The following PAG1 variants were observed in gnomAD, a reference collection of about 807,000 sequenced individuals.
The protein encoded by PAG1 is phosphoprotein membrane anchor with glycosphingolipid microdomains 1.
In PAG1, 23 loss-of-function variants were observed where a neutral mutation model predicts 31.7. The ratio of observed to expected loss-of-function variants is 0.73; its 90% CI spans 0.52 to 1.03. PAG1 has a LOEUF of 1.03. Ranked by LOEUF, PAG1 falls within the 50% of genes least tolerant of loss-of-function variation. The pLI is 0.00. For synonymous variants in PAG1, 214 were observed against 210.3 expected, an observed-to-expected ratio of 1.02 and a Z score of -0.15; for missense variants, 473 against 540.7, an observed-to-expected ratio of 0.87 and a Z score of 1.24.
rs1807597937 is a variant in PAG1 at position 80,993,300 on chromosome 8, G to A, written c.-73C>T. On this transcript the variant is annotated 5_prime_UTR_variant, in exon 4 of 9. Coordinates refer to ENST00000220597, the MANE Select transcript of PAG1 (RefSeq NM_018440.4). The stretch of plus-strand genomic sequence containing the variant: ...AAAGGTGGTGACATGGAGGCAGAGA[G>A]CTGTGTCCTGCAAAGAGACCAGTGC... 3 of 1,454,702 alleles carry A rather than the reference G, an allele frequency of 2.1e-6. No homozygotes were observed. The highest frequency in any genetic ancestry group is 1.9e-5 in the Admixed American group (1 of 53,928). The allele number at this position is 1,454,702 out of a possible 1,614,324, so 90.1% of individuals were successfully genotyped here. A position where few individuals can be genotyped will look rare whatever the true frequency, so the allele number is the denominator to read the frequency against.
At chr8:81,080,985 A>G (rs1809256622) in intron 1 of PAG1, among the ~76,000 whole-genome samples, 1 of 152,186 alleles carries the variant, frequency 6.6e-6, no homozygotes, top group Non-Finnish European at 1.5e-5. Flanking sequence ...GCCAAAGAGT[A>G]TAGTCAGTAA....
At chr8:80,984,599 T>C (rs1255414830) in intron 7 of PAG1, among the ~76,000 whole-genome samples, 177 bp downstream of exon 7, 2 of 152,212 alleles carry the variant, frequency 1.3e-5, no homozygotes, top group East Asian at 1.9e-4. Context: ...ATACAAGTTT[T>C]TGGTATTTTA....
At chr8:81,019,455 C>T (rs1563631595) in intron 3 of PAG1, among the ~76,000 whole-genome samples, 1 of 152,216 alleles carries the variant, frequency 6.6e-6, no homozygotes, top group South Asian at 2.1e-4. Flanking sequence ...TTCTGTGCAG[C>T]CCCGGGACAT....
intron 1 of PAG1, among the ~76,000 whole-genome samples, chr8:81,087,786 A>C (rs73692333): frequency 0.02 from 3,053 of 152,280 alleles, 117 homozygotes; most frequent in African/African-American, 0.069. Flanking sequence ...CTGCAAGGCT[A>C]CACTGCAGTC....
At chr8:80,980,807 G>C (rs1428791026) in intron 7 of PAG1, among the ~76,000 whole-genome samples, 1 of 152,152 alleles carries the variant, frequency 6.6e-6, no homozygotes. Context: ...GATCATCCAT[G>C]GAGGATTAAT....
chr8:81,050,373 A>G (rs1586188415), intron 2 of PAG1, among the ~76,000 whole-genome samples: 1 of 152,180 alleles, frequency 6.6e-6, no homozygotes, highest in Non-Finnish European at 1.5e-5. Flanking sequence ...TTAAACATTC[A>G]CAGGAAGAGT....
In PAG1 at chr8:80,972,000, A is replaced by G. The variant is rs918618300; in HGVS notation, c.*4544T>C. On this transcript the variant is annotated 3_prime_UTR_variant, in exon 9 of 9. Coordinates refer to ENST00000220597, the MANE Select transcript of PAG1 (RefSeq NM_018440.4). ...GTTCAACTGGCCTAAAGCCACTGTC[A>G]GGAAAAATGTATTTAGGAAAATATA... 5 of 152,280 alleles carry G rather than the reference A, an allele frequency of 3.3e-5. No individual in the cohort carries two copies. The highest frequency in any genetic ancestry group is 7.2e-5 in the African/African-American group (3 of 41,478). 9.4% of individuals were successfully genotyped at this position (152,280 alleles called of 1,614,324 possible). A position where few individuals can be genotyped will look rare whatever the true frequency, so the allele number is the denominator to read the frequency against.
rs761960912 is a variant in PAG1, at chr8:80,987,446, G to C, written c.198C>G (p.Phe66Leu). The C allele has an allele frequency of 7.4e-6, 12 of 1,613,490 alleles. No homozygotes were observed. Among genetic ancestry groups the C allele is most frequent in the African/African-American group, 1.3e-5 (1 of 74,890 alleles). Residue 66 changes from phenylalanine to leucine, a missense_variant, in exon 6 of 9, where the codon TTC becomes TTG. By Grantham distance (22) the Phe-to-Leu change is conservative. Transcript: ENST00000220597. Reference protein sequence around the residue: ...LMNVPSDKEMFSRSVTSLATD... With the variant: ...LMNVPSDKEMLSRSVTSLATD... The stretch of plus-strand genomic sequence containing the variant: ...TTGCCAGGCTAGTAACTGAACGGCT[G>C]AACATCTCCTTGTCTGAAGGCTGAA...
chr8:81,026,354 A>G (rs75316576), intron 3 of PAG1, among the ~76,000 whole-genome samples: 1,786 of 151,052 alleles, frequency 0.012, 29 homozygotes, highest in African/African-American at 0.041. Context: ...TCTCAGAAAA[A>G]CAAAACAAAA....
chr8:81,108,855 T>A (rs1290631285), intron 1 of PAG1, among the ~76,000 whole-genome samples: 1 of 152,234 alleles, frequency 6.6e-6, no homozygotes, highest in Non-Finnish European at 1.5e-5. Flanking sequence ...TATTTCTTTT[T>A]CTGAACATGC....
intron 2 of PAG1, among the ~76,000 whole-genome samples, chr8:81,042,385 T>C (rs1019150168): frequency 6.6e-6 from 1 of 152,202 alleles, no homozygotes; most frequent in Non-Finnish European, 1.5e-5. Context: ...AAAGCTGATT[T>C]GGAAATATGG....
intron 3 of PAG1, among the ~76,000 whole-genome samples, chr8:81,004,406 G>A (rs532689669): frequency 2.6e-5 from 4 of 152,048 alleles, no homozygotes; most frequent in Admixed American, 6.6e-5. Context: ...CCAATACCTC[G>A]CATGATATTT....
rs958981004 is a variant in PAG1 at position 80,993,322 on chromosome 8, G to A, written c.-80-15C>T. On this transcript the variant is annotated splice_polypyrimidine_tract_variant and intron_variant, in intron 3 of 8. Coordinates refer to ENST00000220597, the MANE Select transcript of PAG1 (RefSeq NM_018440.4). Reference sequence around the variant, plus strand: ...AGAGCTGTGTCCTGCAAAGAGACCAGTGCGTTTGGAGAGTAATTCTCGGGT... The same window carrying A: ...AGAGCTGTGTCCTGCAAAGAGACCAATGCGTTTGGAGAGTAATTCTCGGGT... The A allele has an allele frequency of 4.9e-5, 63 of 1,286,268 alleles. No individual in the cohort carries two copies. The African/African-American group carries it at 7.7e-4, about 16-fold the overall frequency. 79.7% of individuals were successfully genotyped at this position (1,286,268 alleles called of 1,614,324 possible).
intron 3 of PAG1, among the ~76,000 whole-genome samples, chr8:80,996,534 C>A (rs746295912): frequency 6.6e-6 from 1 of 152,148 alleles, no homozygotes; most frequent in African/African-American, 2.4e-5. Flanking sequence ...GACTGCCTCC[C>A]GCTCACCCTC....
intron 2 of PAG1, among the ~76,000 whole-genome samples, chr8:81,068,001 A>G (rs922274191): frequency 6.6e-6 from 1 of 152,158 alleles, no homozygotes; most frequent in African/African-American, 2.4e-5. Context: ...GGCTCAAGCA[A>G]TTCTTGTGCC....
intron 2 of PAG1, among the ~76,000 whole-genome samples, chr8:81,057,178 T>A (rs1353290457): frequency 1.3e-5 from 2 of 152,158 alleles, no homozygotes; most frequent in East Asian, 3.9e-4. Flanking sequence ...CTCAAGGGTC[T>A]AGAACTAGAA....
At chr8:81,017,847 C>A (rs546855063) in intron 3 of PAG1, among the ~76,000 whole-genome samples, 135 of 152,322 alleles carry the variant, frequency 8.9e-4, no homozygotes, top group Non-Finnish European at 1.5e-3. Flanking sequence ...GGAATTTAAA[C>A]AGCCCCTTGG....
rs144398056 is a variant in PAG1 at position 80,985,320 on chromosome 8, G to C, written c.332C>G (p.Ser111Trp). The C allele has an allele frequency of 6.2e-7, 1 of 1,613,940 alleles. No homozygotes were observed. The highest frequency in any genetic ancestry group is 8.5e-7 in the Non-Finnish European group (1 of 1,179,948). Reference sequence around the variant, plus strand: ...CTGGGAATCCAGCAGATCCGAGGCCGATGTCTGGACTTCCTCGTAATGCTG... The same window carrying C: ...CTGGGAATCCAGCAGATCCGAGGCCCATGTCTGGACTTCCTCGTAATGCTG... ...CMQHYEEVQT[S>W]ASDLLDSQDS... The change falls in exon 7 of 9, where the codon TCG becomes TGG. Residue 111 changes from serine (S) to tryptophan (W), a missense_variant. Ser to Trp is a radical substitution (Grantham distance 177, BLOSUM62 -3). Transcript: ENST00000220597.
intron 3 of PAG1, among the ~76,000 whole-genome samples, chr8:81,025,668 A>G (rs1336671153): frequency 6.6e-6 from 1 of 152,214 alleles, no homozygotes; most frequent in African/African-American, 2.4e-5. Flanking sequence ...CTTTCTCTAC[A>G]TGCTGCTCGG....
Sources: allele counts gnomAD v4.1 joint callset (sites outside exome capture counted in the v4.1 genomes callset), GRCh38; gene constraint gnomAD v4.1.1; transcripts MANE v1.5; gene names NCBI Gene and HGNC (gene_info 2026-07-23, HGNC 2026-07-21).